Variants in CUL3 observed in about 807,000 individuals in gnomAD.
CUL3 encodes the protein cullin-3.
A neutral mutation model predicts 89.1 loss-of-function variants in CUL3; 19 were observed. The ratio of observed to expected loss-of-function variants is 0.21; its 90% CI spans 0.15 to 0.31. The LOEUF (loss-of-function observed/expected upper bound fraction) is 0.31, where lower values mean the gene tolerates loss of function less well. Ranked by LOEUF, CUL3 falls within the 10% of genes least tolerant of loss-of-function variation. CUL3 has a pLI of 1.00. For missense variants in CUL3, 469 were observed against 942.3 expected (o/e 0.50, Z 6.58); for synonymous variants, 351 against 308.4 (o/e 1.14, Z -1.45).
At chr2:224,542,359 T>C (rs114814089) in intron 2 of CUL3, among the ~76,000 whole-genome samples, 2,654 of 152,236 alleles carry the variant, frequency 0.017, 70 homozygotes, top group African/African-American at 0.058. Context: ...AGGGTGTCAC[T>C]CTTTCACCCA....
chr2:224,478,519 TA>T, intron 14 of CUL3, 174 bp from the exon 15 acceptor site: 1 of 453,722 alleles, frequency 2.2e-6, no homozygotes, highest in Non-Finnish European at 3.8e-6. Flanking sequence ...ACTTGAATAC[TA>T]AATTATCCTT....
At chr2:224,580,567 C>T (rs1695411006) in intron 1 of CUL3, among the ~76,000 whole-genome samples, 2 of 152,208 alleles carry the variant, frequency 1.3e-5, no homozygotes, top group Middle Eastern at 3.4e-3. Context: ...ACCGGTAGTC[C>T]CAGCTACTTG....
At chr2:224,531,240 C>T (rs1263625685) in intron 3 of CUL3, among the ~76,000 whole-genome samples, 1 of 151,830 alleles carries the variant, frequency 6.6e-6, no homozygotes, top group Non-Finnish European at 1.5e-5. Flanking sequence ...GCACGCACCA[C>T]CACACCTAGC....
intron 1 of CUL3, among the ~76,000 whole-genome samples, chr2:224,574,685 G>A (rs1695260867): frequency 6.6e-6 from 1 of 152,154 alleles, no homozygotes; most frequent in Non-Finnish European, 1.5e-5. Flanking sequence ...ACATGAAACA[G>A]AATTATAGTT....
chr2:224,541,232 A>G (rs1167107035), intron 2 of CUL3, among the ~76,000 whole-genome samples: 2 of 150,672 alleles, frequency 1.3e-5, no homozygotes, highest in African/African-American at 5.0e-5. Flanking sequence ...AAAAAAAAAA[A>G]CTCTTAGAAC....
intron 1 of CUL3, 140 bp from the exon 2 acceptor site, chr2:224,557,996 T>C (rs984758247): frequency 9.1e-5 from 50 of 550,882 alleles, no homozygotes; most frequent in Non-Finnish European, 1.4e-4. Context: ...CATAAGAACA[T>C]TAACAACCTA....
intron 2 of CUL3, among the ~76,000 whole-genome samples, chr2:224,542,515 ATG>A (rs1553532440): frequency 1.6e-5 from 2 of 122,310 alleles, no homozygotes; most frequent in Non-Finnish European, 3.4e-5. Context: ...GTGTGTGTGT[ATG>A]TGTGTGTGTG....
chr2:224,545,252 T>C (rs1694252324), intron 2 of CUL3, among the ~76,000 whole-genome samples: 2 of 152,142 alleles, frequency 1.3e-5, no homozygotes, highest in Non-Finnish European at 2.9e-5. Context: ...TTTCATACAG[T>C]AGACTGTGTT....
At chr2:224,558,604 G>A (rs1417952564) in intron 1 of CUL3, among the ~76,000 whole-genome samples, 1 of 152,114 alleles carries the variant, frequency 6.6e-6, no homozygotes, top group African/African-American at 2.4e-5. Flanking sequence ...GCAACACCTA[G>A]GAACTTGTTA....
chr2:224,557,115 T>C (rs1264047128), intron 2 of CUL3, among the ~76,000 whole-genome samples: 2 of 152,084 alleles, frequency 1.3e-5, no homozygotes, highest in African/African-American at 4.8e-5. Flanking sequence ...AAGAGTTCAC[T>C]CTATAAAAAC....
intron 2 of CUL3, among the ~76,000 whole-genome samples, chr2:224,540,835 GGT>G (rs1694076332): frequency 6.6e-6 from 1 of 152,074 alleles, no homozygotes; most frequent in Non-Finnish European, 1.5e-5. Flanking sequence ...AACAGGCCCT[GGT>G]GTGTGTTGTT....
chr2:224,500,342 C>G (rs1422173166), intron 11 of CUL3, 21 bp downstream of exon 11: 16 of 1,613,176 alleles, frequency 9.9e-6, no homozygotes, highest in Non-Finnish European at 1.3e-5. Flanking sequence ...CACAGTGATA[C>G]AAAGTCTGAT....
intron 13 of CUL3, among the ~76,000 whole-genome samples, chr2:224,491,602 ATAG>A (rs1691981747): frequency 6.6e-6 from 1 of 152,158 alleles, no homozygotes; most frequent in Non-Finnish European, 1.5e-5. Flanking sequence ...GCAAGGCATA[ATAG>A]TAGTAGTAAA....
intron 2 of CUL3, among the ~76,000 whole-genome samples, chr2:224,547,733 T>C (rs1403946704): frequency 6.6e-6 from 1 of 152,094 alleles, no homozygotes; most frequent in East Asian, 1.9e-4. Flanking sequence ...ATATTGTATA[T>C]ATATATGCCA....
rs199530562 is a variant in CUL3 at position 224,538,076 on chromosome 2, GA to G, written c.265-2436del. On this transcript the variant is annotated intron_variant, in intron 2 of 15. Transcript: ENST00000264414. Reference sequence around the variant, plus strand: ...GCATCATACCTCAAAAAATTATCCTGACCAATAACGGTGAATTTTACTAGCA... The same window carrying G: ...GCATCATACCTCAAAAAATTATCCTGCCAATAACGGTGAATTTTACTAGCA... Among the ~76,000 whole-genome samples, 524 of 152,232 alleles carry G rather than the reference GA, an allele frequency of 3.4e-3. 22 individuals carry two copies. The highest frequency in any genetic ancestry group is 0.027 in the Admixed American group (411 of 15,294).
At chr2:224,584,030 C>G (rs1574714051) in intron 1 of CUL3, among the ~76,000 whole-genome samples, 4 of 152,210 alleles carry the variant, frequency 2.6e-5, no homozygotes, top group African/African-American at 7.2e-5. Context: ...AGTTCGTTAA[C>G]AGTACATTTT....
chr2:224,470,844 C>T lies in CUL3; in HGVS notation c.*3401G>A, dbSNP rs1393609403. On this transcript the variant is annotated 3_prime_UTR_variant, in exon 16 of 16. Transcript: ENST00000264414. ...CATTACTATTCATGTGAATGAGGTA[C>T]AAAATAAATGAAAATTTTTTAATAT... 2 of 229,848 alleles carry T rather than the reference C, an allele frequency of 8.7e-6. No homozygotes were observed. The highest frequency in any genetic ancestry group is 5.7e-5 in the Admixed American group (1 of 17,690). The allele number at this position is 229,848 out of a possible 1,614,324, so 14.2% of individuals were successfully genotyped here. A position where few individuals can be genotyped will look rare whatever the true frequency, so the allele number is the denominator to read the frequency against.
At chr2:224,507,610 G>C (rs528558936) in intron 6 of CUL3, among the ~76,000 whole-genome samples, 1 of 152,212 alleles carries the variant, frequency 6.6e-6, no homozygotes, top group African/African-American at 2.4e-5. Context: ...ATTTTCCTGA[G>C]AGCAATCCCT....
chr2:224,580,653 T>C (rs1574711561), intron 1 of CUL3, among the ~76,000 whole-genome samples: 1 of 151,966 alleles, frequency 6.6e-6, no homozygotes, highest in African/African-American at 2.4e-5. Flanking sequence ...CACTGCACTC[T>C]AGCCTGGGCG....
Sources: allele counts gnomAD v4.1 joint callset (sites outside exome capture counted in the v4.1 genomes callset), GRCh38; gene constraint gnomAD v4.1.1; transcripts MANE v1.5; gene names NCBI Gene and HGNC (gene_info 2026-07-23, HGNC 2026-07-21).